CYYR1: variants seen among roughly 807,000 people sequenced by gnomAD.
CYYR1 encodes the protein cysteine and tyrosine-rich protein 1.
In CYYR1, 14 loss-of-function variants were observed where a neutral mutation model predicts 15.2. That is an observed-to-expected ratio of 0.92 (90% CI 0.61 to 1.44). The LOEUF (loss-of-function observed/expected upper bound fraction) is 1.44. CYYR1 is among the 40% of genes most tolerant of loss of function. The pLI is 0.00. For missense variants in CYYR1, 228 were observed against 209.5 expected, an observed-to-expected ratio of 1.09 and a Z score of -0.54; for synonymous variants, 80 against 77.4, an observed-to-expected ratio of 1.03 and a Z score of -0.18.
At chr21:26,472,435 TA>T (rs1177971160) in intron 3 of CYYR1, among the ~76,000 whole-genome samples, 1 of 152,138 alleles carries the variant, frequency 6.6e-6, no homozygotes, top group Non-Finnish European at 1.5e-5. Flanking sequence ...CTTTCAAAAA[TA>T]ATTATTTCAT....
intron 1 of CYYR1, 103 bp downstream of exon 1, chr21:26,572,765 C>T: frequency 7.1e-7 from 1 of 1,403,220 alleles, no homozygotes. Flanking sequence ...AAAGGTCCTT[C>T]TGCAAAGGTC....
At chr21:26,550,298 A>C (rs1244315264) in intron 2 of CYYR1, 2 of 152,152 alleles carry the variant, frequency 1.3e-5, no homozygotes, top group Non-Finnish European at 2.9e-5. Flanking sequence ...AGCTGTTCCC[A>C]ATCTTTCTCT....
In CYYR1 at chr21:26,500,725, A is replaced by T. The variant is rs2065470548; in HGVS notation, c.177-20296T>A. 2.0e-5 allele frequency among the ~76,000 whole-genome samples: 3 copies of T among 151,906 alleles called. No individual in the cohort carries two copies. The South Asian group carries it at 6.2e-4, about 32-fold the overall frequency. On this transcript the variant is annotated intron_variant, in intron 2 of 3. Transcript: ENST00000652641. ...GTGGGAAGACAGAGCAATTGGCCAC[A>T]CCCCTCTCCCCAAGGGCAGGTGACC...
At chr21:26,499,940 C>T (rs569806450) in intron 2 of CYYR1, among the ~76,000 whole-genome samples, 1 of 150,952 alleles carries the variant, frequency 6.6e-6, no homozygotes, top group East Asian at 2.0e-4. Flanking sequence ...AGGGCAATGT[C>T]TTAGTTGCCT....
chr21:26,530,240 T>C (rs2123600170), intron 2 of CYYR1, among the ~76,000 whole-genome samples: 1 of 152,192 alleles, frequency 6.6e-6, no homozygotes, highest in East Asian at 1.9e-4. Flanking sequence ...TTGCCCATAA[T>C]AAAATTATTT....
chr21:26,555,656 A>T (rs1325983798), intron 2 of CYYR1, among the ~76,000 whole-genome samples: 1 of 152,162 alleles, frequency 6.6e-6, no homozygotes, highest in Non-Finnish European at 1.5e-5. Flanking sequence ...TCGGCTAAAT[A>T]GCTGAGGCTT....
At chr21:26,490,481 A>G (rs1380421929) in intron 2 of CYYR1, among the ~76,000 whole-genome samples, 1 of 152,168 alleles carries the variant, frequency 6.6e-6, no homozygotes, top group African/African-American at 2.4e-5. Context: ...AGACTATGAC[A>G]AGACAACAAT....
chr21:26,533,931 G>A (rs1278985769), intron 2 of CYYR1, among the ~76,000 whole-genome samples: 1 of 152,144 alleles, frequency 6.6e-6, no homozygotes, highest in Non-Finnish European at 1.5e-5. Flanking sequence ...GGACACAGGT[G>A]TACCTAAGAT....
chr21:26,483,160 T>C (rs747952947), intron 2 of CYYR1, among the ~76,000 whole-genome samples: 5 of 152,042 alleles, frequency 3.3e-5, no homozygotes, highest in Non-Finnish European at 5.9e-5. Context: ...ATTACAGTTA[T>C]CTTATTTTTA....
At chr21:26,511,143 A>C (rs2065642668) in intron 2 of CYYR1, among the ~76,000 whole-genome samples, 1 of 152,208 alleles carries the variant, frequency 6.6e-6, no homozygotes, top group Non-Finnish European at 1.5e-5. Flanking sequence ...GTGATAGAGA[A>C]GTATTTCACA....
At chr21:26,472,924 T>C (rs1157884201) in intron 3 of CYYR1, among the ~76,000 whole-genome samples, 1 of 152,154 alleles carries the variant, frequency 6.6e-6, no homozygotes, top group Non-Finnish European at 1.5e-5. Context: ...CTTCGCTACA[T>C]GTGTTATTTT....
At chr21:26,496,824 A>C (rs1271918058) in intron 2 of CYYR1, among the ~76,000 whole-genome samples, 1 of 152,178 alleles carries the variant, frequency 6.6e-6, no homozygotes, top group Non-Finnish European at 1.5e-5. Flanking sequence ...TTGCTGATCT[A>C]ACCCACGTTC....
intron 1 of CYYR1, among the ~76,000 whole-genome samples, chr21:26,567,671 TATTA>T (rs1197962005): frequency 2.6e-5 from 4 of 152,018 alleles, no homozygotes; most frequent in African/African-American, 9.7e-5. Flanking sequence ...CTGAAGGTAA[TATTA>T]ATTATTATAT....
intron 2 of CYYR1, among the ~76,000 whole-genome samples, chr21:26,485,742 T>C (rs1008360457): frequency 1.3e-5 from 2 of 152,100 alleles, no homozygotes; most frequent in African/African-American, 4.8e-5. Context: ...CATTTTGGTT[T>C]GACAAATAAA....
At chr21:26,488,785 G>C (rs997751447) in intron 2 of CYYR1, among the ~76,000 whole-genome samples, 3 of 152,070 alleles carry the variant, frequency 2.0e-5, no homozygotes, top group African/African-American at 7.2e-5. Context: ...GGACCATGAA[G>C]ACAAGAGCCA....
At chr21:26,523,828 C>T (rs1364465503) in intron 2 of CYYR1, among the ~76,000 whole-genome samples, 2 of 152,166 alleles carry the variant, frequency 1.3e-5, no homozygotes, top group African/African-American at 2.4e-5. Context: ...AGACAATAGG[C>T]GTTACTCCCC....
intron 2 of CYYR1, among the ~76,000 whole-genome samples, chr21:26,499,519 T>C (rs1601756584): frequency 6.6e-6 from 1 of 152,238 alleles, no homozygotes; most frequent in Non-Finnish European, 1.5e-5. Context: ...TAATTTGTTA[T>C]GGCAGCCACA....
intron 2 of CYYR1, among the ~76,000 whole-genome samples, chr21:26,552,575 C>T (rs935755252): frequency 6.6e-6 from 1 of 151,964 alleles, no homozygotes; most frequent in Non-Finnish European, 1.5e-5. Context: ...GCCTTCTTTT[C>T]AGTTATAAGA....
At chr21:26,563,176 A>T (rs1466455392) in intron 2 of CYYR1, among the ~76,000 whole-genome samples, 1 of 152,198 alleles carries the variant, frequency 6.6e-6, no homozygotes, top group Non-Finnish European at 1.5e-5. Context: ...GTTTTTCATA[A>T]GACAGAAGTA....
Sources: gnomAD v4.1 joint callset for allele counts (sites outside exome capture counted in the v4.1 genomes callset) on GRCh38, gnomAD v4.1.1 for gene constraint, MANE v1.5 for transcripts, NCBI Gene and HGNC (gene_info 2026-07-23, HGNC 2026-07-21) for gene names.